Variants in FAM20A observed in about 807,000 individuals in gnomAD.
FAM20A encodes pseudokinase FAM20A.
In FAM20A, 42 loss-of-function variants were observed where a neutral mutation model predicts 52.0. The ratio of observed to expected loss-of-function variants is 0.81; its 90% CI spans 0.63 to 1.04. The LOEUF is 1.04. Among genes scored for constraint, FAM20A ranks in the 50% least tolerant of loss-of-function variants. FAM20A has a pLI of 0.00. For synonymous variants in FAM20A, 304 were observed against 298.9 expected (o/e 1.02, Z -0.18); for missense variants, 742 against 712.7 (o/e 1.04, Z -0.47).
chr17:68,590,708 A>C (rs1476562281), intron 1 of FAM20A, among the ~76,000 whole-genome samples: 1 of 152,212 alleles, frequency 6.6e-6, no homozygotes, highest in African/African-American at 2.4e-5. Flanking sequence ...AGCAGACACA[A>C]GTTGAGAAAC....
intron 1 of FAM20A, among the ~76,000 whole-genome samples, chr17:68,596,051 C>A (rs1001513928): frequency 6.6e-6 from 1 of 152,312 alleles, no homozygotes. Flanking sequence ...CTTCAGCCAA[C>A]TTACTCCCTT....
At chr17:68,562,604 T>G (rs555476477) in intron 1 of FAM20A, among the ~76,000 whole-genome samples, 1 of 146,652 alleles carries the variant, frequency 6.8e-6, no homozygotes, top group South Asian at 2.1e-4. Context: ...TCTAGCATCC[T>G]TTTCCATCCC....
chr17:68,552,151 G>C (rs1467814019), intron 3 of FAM20A, among the ~76,000 whole-genome samples, 200 bp from the exon 4 acceptor site: 1 of 152,012 alleles, frequency 6.6e-6, no homozygotes, highest in Non-Finnish European at 1.5e-5. Flanking sequence ...GCTCAAGACA[G>C]TACTTTTTAC....
At chr17:68,539,993 G>A (rs2086216991) in intron 8 of FAM20A, 27 bp from the exon 9 acceptor site, 1 of 1,605,284 alleles carries the variant, frequency 6.2e-7, no homozygotes, top group Non-Finnish European at 8.5e-7. Flanking sequence ...GACTTAGCTG[G>A]AACCAGCAGG....
Position 68,600,551 on chromosome 17 carries a change from T to A in FAM20A, c.116A>T (p.Glu39Val). 1 of 1,557,376 alleles carries A rather than the reference T, an allele frequency of 6.4e-7. No homozygotes were observed. The highest frequency in any genetic ancestry group is 1.2e-5 in the South Asian group (1 of 84,932). The change falls in exon 1 of 11, where the codon GAG becomes GTG. Residue 39 changes from glutamate to valine, a missense_variant. Transcript: ENST00000592554. The surrounding 1 kb of genome is among the most constrained non-coding windows in gnomAD (Gnocchi z 6.2). Reference sequence around the variant, plus strand: ...GGTGCACGGGCACCCCCGCGGGCGCTCCCGAGGCCGCAGCTGGCGCTGTAC... The same window carrying A: ...GGTGCACGGGCACCCCCGCGGGCGCACCCGAGGCCGCAGCTGGCGCTGTAC... Reference protein sequence around the residue: ...PQVQRQLRPRERPRGCPCTGR... With the variant: ...PQVQRQLRPRVRPRGCPCTGR...
At chr17:68,552,129 C>T (rs976942504) in intron 3 of FAM20A, among the ~76,000 whole-genome samples, 178 bp from the exon 4 acceptor site, 1 of 152,042 alleles carries the variant, frequency 6.6e-6, no homozygotes, top group African/African-American at 2.4e-5. Context: ...GCCGTAGTGA[C>T]GGTGTCCAGG....
chr17:68,552,383 T>C (rs888283525), intron 3 of FAM20A, among the ~76,000 whole-genome samples: 1 of 152,244 alleles, frequency 6.6e-6, no homozygotes, highest in Non-Finnish European at 1.5e-5. Flanking sequence ...CTTTGTAGAT[T>C]CTAATTATGC....
Position 68,539,328 on chromosome 17 carries a change from A to C in FAM20A, c.1361+9T>G, listed in dbSNP as rs753713680. ...ACTTGCCCGTATTATCTGCTGCAGG[A>C]AAACTTACATGCAGCACTGGGAGAG... On this transcript the variant is annotated intron_variant, in intron 10 of 10. Transcript: ENST00000592554. 3 of 1,614,028 alleles carry C rather than the reference A, an allele frequency of 1.9e-6. No individual in the cohort carries two copies. Among genetic ancestry groups the C allele is most frequent in the Non-Finnish European group, 2.5e-6 (3 of 1,179,846 alleles).
intron 1 of FAM20A, among the ~76,000 whole-genome samples, chr17:68,573,803 G>A (rs1195852154): frequency 6.6e-6 from 1 of 151,934 alleles, no homozygotes; most frequent in East Asian, 1.9e-4. Context: ...CCAAGTAGCT[G>A]GGAATACAGG....
chr17:68,580,668 C>T (rs1053107262), intron 1 of FAM20A, among the ~76,000 whole-genome samples: 1 of 152,222 alleles, frequency 6.6e-6, no homozygotes, highest in African/African-American at 2.4e-5. Flanking sequence ...GGACTTCTGC[C>T]TTGGTGAGCA....
At chr17:68,577,323 A>G (rs1166463504) in intron 1 of FAM20A, among the ~76,000 whole-genome samples, 1 of 152,242 alleles carries the variant, frequency 6.6e-6, no homozygotes, top group Non-Finnish European at 1.5e-5. Context: ...TGGACTGCGG[A>G]GCTCCTCAAC....
At chr17:68,579,077 G>T (rs1158920257) in intron 1 of FAM20A, among the ~76,000 whole-genome samples, 1 of 151,520 alleles carries the variant, frequency 6.6e-6, no homozygotes, top group African/African-American at 2.4e-5. Context: ...GGATTTAACA[G>T]AGAATGTGAA....
In FAM20A at chr17:68,535,305, CATG is replaced by C; in HGVS notation, c.*2169_*2171del. The C allele has an allele frequency of 2.2e-6, 1 of 454,072 alleles. No homozygotes were observed. The highest frequency in any genetic ancestry group is 4.4e-6 in the Non-Finnish European group (1 of 226,790). The allele number at this position is 454,072 out of a possible 1,614,324, so 28.1% of individuals were successfully genotyped here. A position where few individuals can be genotyped will look rare whatever the true frequency, so the allele number is the denominator to read the frequency against. ...ATAATAAGGTAGGTGTACCACATAT[CATG>C]GTGAAATTCAAGCCTATTGCTTTCT... On this transcript the variant is annotated 3_prime_UTR_variant, in exon 11 of 11. Transcript: ENST00000592554.
At chr17:68,541,863 A>G in intron 7 of FAM20A, 122 bp downstream of exon 7, 1 of 1,182,828 alleles carries the variant, frequency 8.5e-7, no homozygotes, top group Non-Finnish European at 1.2e-6. Context: ...TCAATATGAA[A>G]TGGGGCAAAG....
At chr17:68,542,636 G>A in intron 6 of FAM20A, 58 bp downstream of exon 6, 3 of 1,296,820 alleles carry the variant, frequency 2.3e-6, no homozygotes, top group Middle Eastern at 1.8e-4. Flanking sequence ...ATGGAGGGGT[G>A]GACACTCTGG....
rs1460314142 is a variant in FAM20A, at chr17:68,536,509, A to G, written c.*968T>C. 2 of 454,082 alleles carry G rather than the reference A, an allele frequency of 4.4e-6. No homozygotes were observed. The highest frequency in any genetic ancestry group is 1.6e-5 in the South Asian group (1 of 64,476). 28.1% of individuals were successfully genotyped at this position (454,082 alleles called of 1,614,324 possible). ...GAGGCTTCAATAAAAAACCTGACTT[A>G]GTCTTTTTTGAGCCAGCCGTCACAG... On this transcript the variant is annotated 3_prime_UTR_variant, in exon 11 of 11. Coordinates refer to ENST00000592554, the MANE Select transcript of FAM20A (RefSeq NM_017565.4).
At chr17:68,568,008 A>G (rs2087428295) in intron 1 of FAM20A, among the ~76,000 whole-genome samples, 1 of 151,876 alleles carries the variant, frequency 6.6e-6, no homozygotes, top group African/African-American at 2.4e-5. Context: ...TTTCTTCTAC[A>G]TTACTCAGCC....
chr17:68,556,569 G>A (rs1199180599), intron 1 of FAM20A, among the ~76,000 whole-genome samples: 6 of 151,990 alleles, frequency 3.9e-5, no homozygotes, highest in African/African-American at 4.8e-5. Context: ...CCTAAAGAAC[G>A]GGGCAGGGAG....
At chr17:68,575,695 T>A (rs987746463) in intron 1 of FAM20A, among the ~76,000 whole-genome samples, 4 of 123,906 alleles carry the variant, frequency 3.2e-5, no homozygotes, top group Admixed American at 1.0e-4. Flanking sequence ...TATTTTATAT[T>A]ATATATATTA....
Sources: gnomAD v4.1 joint callset for allele counts (sites outside exome capture counted in the v4.1 genomes callset) on GRCh38, gnomAD v4.1.1 for gene constraint, Gnocchi (gnomAD v3.1) non-coding constraint, MANE v1.5 for transcripts, NCBI Gene and HGNC (gene_info 2026-07-23, HGNC 2026-07-21) for gene names.